The following NCAPG2 variants were observed in gnomAD, a reference collection of about 807,000 sequenced individuals.
The protein encoded by NCAPG2 is condensin-2 complex subunit G2.
In NCAPG2, 53 loss-of-function variants were observed where a neutral mutation model predicts 141.1. That is an observed-to-expected ratio of 0.38 (90% CI 0.30 to 0.47). The LOEUF (loss-of-function observed/expected upper bound fraction) is 0.47, where lower values mean the gene tolerates loss of function less well. Ranked by LOEUF, NCAPG2 falls within the 20% of genes least tolerant of loss-of-function variation. The pLI is 0.99. For missense variants in NCAPG2, 1,087 were observed against 1,389.0 expected, an observed-to-expected ratio of 0.78 and a Z score of 3.46; for synonymous variants, 499 against 490.7, an observed-to-expected ratio of 1.02 and a Z score of -0.22.
chr7:158,682,086 T>G (rs1374424044), intron 9 of NCAPG2, among the ~76,000 whole-genome samples: 1 of 152,220 alleles, frequency 6.6e-6, no homozygotes, highest in African/African-American at 2.4e-5. Flanking sequence ...ATTCTTTTTG[T>G]GCATTTTTCC....
chr7:158,652,332 A>G lies in NCAPG2; in HGVS notation c.2895T>C (p.Ile965=), dbSNP rs1201035555. 1.2e-6 allele frequency: 2 copies of G among 1,614,016 alleles called. No homozygotes were observed. Among genetic ancestry groups the G allele is most frequent in the South Asian group, 2.2e-5 (2 of 90,994 alleles). ...CCGGCTGCTTCCTGAAGCTCCGTGC[A>G]ATACATTCCAACATTTTCTGAAATA... ...QKVFQKMLEC[I]ARSFRKQPEE... is the part of the protein sequence containing the mutation. Residue 965 remains isoleucine (I), a synonymous_variant, in exon 23 of 28, where the codon ATT becomes ATC. Coordinates refer to ENST00000356309, the MANE Select transcript of NCAPG2 (RefSeq NM_017760.7).
chr7:158,660,483 G>A (rs1587147726), intron 16 of NCAPG2, among the ~76,000 whole-genome samples: 1 of 138,042 alleles, frequency 7.2e-6, no homozygotes, highest in Non-Finnish European at 1.5e-5. Context: ...GCAGTAGTAT[G>A]ATCACAGTTC....
intron 16 of NCAPG2, among the ~76,000 whole-genome samples, chr7:158,659,229 T>C (rs1832277777): frequency 7.0e-6 from 1 of 142,734 alleles, no homozygotes; most frequent in South Asian, 2.2e-4. Context: ...CTCGGAAGGC[T>C]GGGGCAGAAG....
chr7:158,671,464 A>T (rs768736603), intron 13 of NCAPG2, 50 bp downstream of exon 13: 2 of 1,601,128 alleles, frequency 1.2e-6, no homozygotes, highest in Non-Finnish European at 8.6e-7. Context: ...TGTTTGATGA[A>T]CACATGTCCC....
At chr7:158,639,935 G>C in intron 27 of NCAPG2, 1 of 722,876 alleles carries the variant, frequency 1.4e-6, no homozygotes, top group Non-Finnish European at 1.7e-6. Flanking sequence ...AACTGTAAAA[G>C]GTGTTAACAT....
intron 27 of NCAPG2, chr7:158,641,558 G>GAA: frequency 1.7e-6 from 1 of 579,546 alleles, no homozygotes; most frequent in Admixed American, 3.2e-5. Context: ...CTCATATCTT[G>GAA]GAAAAAAAAA....
At chr7:158,658,518 A>T in intron 16 of NCAPG2, 110 bp from the exon 17 acceptor site, 1 of 928,972 alleles carries the variant, frequency 1.1e-6, no homozygotes, top group Non-Finnish European at 1.5e-6. Flanking sequence ...CTCAAGAAGA[A>T]CCATGGCAGT....
At chr7:158,683,964 A>C (rs1166585069) in intron 8 of NCAPG2, among the ~76,000 whole-genome samples, 1 of 151,930 alleles carries the variant, frequency 6.6e-6, no homozygotes, top group East Asian at 1.9e-4. Context: ...GTAGCAAAAA[A>C]CCCCAGTGGA....
At chr7:158,667,415 A>G (rs1388793393) in intron 13 of NCAPG2, among the ~76,000 whole-genome samples, 2 of 36,794 alleles carry the variant, frequency 5.4e-5, no homozygotes, top group South Asian at 9.3e-4. Flanking sequence ...CTCCTTACCC[A>G]CTACTGGGTC....
chr7:158,635,439 T>G (rs1248657432), intron 27 of NCAPG2, among the ~76,000 whole-genome samples: 1 of 152,216 alleles, frequency 6.6e-6, no homozygotes, highest in African/African-American at 2.4e-5. Context: ...CAATTAATAT[T>G]GGCAAGTAAT....
chr7:158,676,107 A>G (rs1298392077), intron 11 of NCAPG2, among the ~76,000 whole-genome samples: 1 of 152,264 alleles, frequency 6.6e-6, no homozygotes, highest in East Asian at 1.9e-4. Context: ...CAATGAGGCA[A>G]TAAGTACCCC....
intron 25 of NCAPG2, 139 bp downstream of exon 25, chr7:158,646,321 G>GA (rs752116230): frequency 4.1e-4 from 244 of 597,584 alleles, no homozygotes; most frequent in Middle Eastern, 3.8e-3. Context: ...ATAAAATGGA[G>GA]AAAAAATTAT....
rs1835718940 is a variant in NCAPG2 at position 158,700,610 on chromosome 7, G to A, written c.78+1212C>T. On this transcript the variant is annotated intron_variant, in intron 2 of 27. Transcript: ENST00000356309. ...CTCTTATAAACACTTCTATGGTGAT[G>A]AGATGCCTATGAGTTTGCGATTATT... 2.6e-5 allele frequency among the ~76,000 whole-genome samples: 4 copies of A among 152,312 alleles called. No individual in the cohort carries two copies. In the South Asian group the frequency reaches 8.3e-4, roughly 32 times the overall value.
chr7:158,645,441 C>A, intron 26 of NCAPG2, 78 bp downstream of exon 26: 1 of 1,302,348 alleles, frequency 7.7e-7, no homozygotes, highest in Non-Finnish European at 1.1e-6. Context: ...AGTGCAGGGG[C>A]TGATCCCCGG....
At position 158,664,967 on chromosome 7, in the gene NCAPG2, A is replaced by C. The variant is rs145405035; in HGVS notation, c.1480-217T>G. On this transcript the variant is annotated intron_variant, in intron 13 of 27. Coordinates refer to ENST00000356309, the MANE Select transcript of NCAPG2 (RefSeq NM_017760.7). ...AAAGTACTGTTATATAAGGCACCCAAGTATTAGGGTGCTAAGAGGTTTAAT... is the reference window on the plus strand; with the variant it reads ...AAAGTACTGTTATATAAGGCACCCACGTATTAGGGTGCTAAGAGGTTTAAT... 4 of 501,344 alleles carry C rather than the reference A, an allele frequency of 8.0e-6. No individual in the cohort carries two copies. The East Asian group carries it at 1.3e-4, about 17-fold the overall frequency. The allele number at this position is 501,344 out of a possible 1,614,324, so 31.1% of individuals were successfully genotyped here.
At position 158,667,258 on chromosome 7, in the gene NCAPG2, C is replaced by T. The variant is rs947699438; in HGVS notation, c.1480-2508G>A. On this transcript the variant is annotated intron_variant, in intron 13 of 27. Transcript: ENST00000356309. ...CCCAAACTTCCTGGTGGGCCAGAGA[C>T]CCTGTGTCCCTCCGCCTCCCTCAGA... 29 of 980,220 alleles carry T rather than the reference C, an allele frequency of 3.0e-5. 1 individual carries two copies. The highest frequency in any genetic ancestry group is 1.3e-5 in the Non-Finnish European group (11 of 826,156). The allele number at this position is 980,220 out of a possible 1,614,324, so 60.7% of individuals were successfully genotyped here. A position where few individuals can be genotyped will look rare whatever the true frequency, so the allele number is the denominator to read the frequency against.
chr7:158,681,815 G>C lies in NCAPG2; in HGVS notation c.925-999C>G, dbSNP rs547078295. ...AATTCAGTGGCTTTCAGTATATTTA[G>C]AGCTATGCTACCATTGTTACTGTCT... On this transcript the variant is annotated intron_variant, in intron 9 of 27. Coordinates refer to ENST00000356309, the MANE Select transcript of NCAPG2 (RefSeq NM_017760.7). Among the ~76,000 whole-genome samples the C allele has an allele frequency of 3.9e-5, 6 of 152,224 alleles. No individual in the cohort carries two copies. The East Asian group carries it at 1.2e-3, about 29-fold the overall frequency.
chr7:158,660,401 C>CA (rs1287086443), intron 16 of NCAPG2, among the ~76,000 whole-genome samples: 12 of 72,818 alleles, frequency 1.6e-4, no homozygotes, highest in African/African-American at 6.6e-4. Context: ...TTTCAGCTTT[C>CA]TTTTTTTTTT....
chr7:158,645,016 T>C (rs766444191), intron 26 of NCAPG2, among the ~76,000 whole-genome samples: 12 of 152,242 alleles, frequency 7.9e-5, no homozygotes, highest in Non-Finnish European at 1.5e-4. Context: ...TACTACATTT[T>C]ATACTGAGCT....
Sources: gnomAD v4.1 joint callset for allele counts (sites outside exome capture counted in the v4.1 genomes callset) on GRCh38, gnomAD v4.1.1 for gene constraint, MANE v1.5 for transcripts, NCBI Gene and HGNC (gene_info 2026-07-23, HGNC 2026-07-21) for gene names.